The following IL22RA1 variants were observed in gnomAD, a reference collection of about 807,000 sequenced individuals.
The protein encoded by IL22RA1 is interleukin-22 receptor subunit alpha-1.
Under a neutral mutation model 32.8 loss-of-function variants are expected in IL22RA1, and 25 were observed. The ratio of observed to expected loss-of-function variants is 0.76; its 90% CI spans 0.55 to 1.06. IL22RA1 has a LOEUF of 1.06. Ranked by LOEUF, IL22RA1 falls within the 50% of genes least tolerant of loss-of-function variation. IL22RA1 has a pLI of 0.00. For synonymous variants in IL22RA1, 305 were observed against 305.0 expected, an observed-to-expected ratio of 1.00 and a Z score of 0.00; for missense variants, 709 against 727.4, an observed-to-expected ratio of 0.97 and a Z score of 0.29.
rs756113657 is a variant in IL22RA1, at chr1:24,143,086, G to A, written c.-4C>T. 1.9e-6 allele frequency: 3 copies of A among 1,612,512 alleles called. No individual in the cohort carries two copies. The East Asian group carries it at 6.7e-5, about 36-fold the overall frequency. On this transcript the variant is annotated 5_prime_UTR_variant, in exon 1 of 7. Coordinates refer to ENST00000270800, the MANE Select transcript of IL22RA1 (RefSeq NM_021258.4). ...AGATGGTCAGCAGCGTCCTCATCGG[G>A]GCTGGCACAGAGCCCTCCCTTGGCC...
intron 4 of IL22RA1, among the ~76,000 whole-genome samples, chr1:24,132,168 T>C (rs1024033169): frequency 6.6e-6 from 1 of 152,034 alleles, no homozygotes; most frequent in Admixed American, 6.6e-5. Context: ...AAGCTTTGCG[T>C]TGGGGAAGAA....
At chr1:24,133,081 G>A (rs1403222565) in intron 4 of IL22RA1, among the ~76,000 whole-genome samples, 6 of 151,270 alleles carry the variant, frequency 4.0e-5, no homozygotes, top group Non-Finnish European at 8.9e-5. Context: ...TAATATGCAT[G>A]TATTACCTGG....
At chr1:24,122,212 C>G (rs1012287301) in intron 6 of IL22RA1, among the ~76,000 whole-genome samples, 1 of 152,188 alleles carries the variant, frequency 6.6e-6, no homozygotes, top group African/African-American at 2.4e-5. Flanking sequence ...CAGAGCTCCT[C>G]TGTCCCTCCG....
intron 3 of IL22RA1, among the ~76,000 whole-genome samples, 194 bp downstream of exon 3, chr1:24,136,937 A>G (rs1388392325): frequency 6.6e-6 from 1 of 151,822 alleles, no homozygotes; most frequent in Non-Finnish European, 1.5e-5. Context: ...AAAGTGAACA[A>G]ACCTGCTAGG....
At chr1:24,136,969 G>A (rs1294682309) in intron 3 of IL22RA1, among the ~76,000 whole-genome samples, 162 bp downstream of exon 3, 1 of 151,596 alleles carries the variant, frequency 6.6e-6, no homozygotes, top group Non-Finnish European at 1.5e-5. Context: ...ATTGGTGGGG[G>A]TGGGGGGCTT....
intron 1 of IL22RA1, among the ~76,000 whole-genome samples, chr1:24,140,607 C>T (rs1450508113): frequency 6.6e-6 from 1 of 152,174 alleles, no homozygotes. Flanking sequence ...GGGCCTGAGC[C>T]TCAAGGAAGG....
rs140365935 is a variant in IL22RA1 at position 24,138,638 on chromosome 1, C to T, written c.120G>A (p.Thr40=). 1.5e-4 allele frequency: 238 copies of T among 1,614,024 alleles called. 1 individual carries two copies. The highest frequency in any genetic ancestry group is 1.8e-4 in the Non-Finnish European group (212 of 1,180,020). ...GGGTGCCCTCCGGCCCGCTGTCCCA[C>T]GTCAGGATGTTTTCAAAGTTGCTGG... is the stretch of plus-strand genomic sequence containing the variant. ...FQSSNFENIL[T]WDSGPEGTPD... The change falls in exon 2 of 7, where the codon ACG becomes ACA. Residue 40 remains threonine, a synonymous_variant. Coordinates refer to ENST00000270800, the MANE Select transcript of IL22RA1 (RefSeq NM_021258.4).
At chr1:24,123,618 A>G (rs1644141716) in intron 5 of IL22RA1, 195 bp from the exon 6 acceptor site, 1 of 1,228,748 alleles carries the variant, frequency 8.1e-7, no homozygotes. Flanking sequence ...TACAAATTAT[A>G]TTTTTACACT....
In IL22RA1 at chr1:24,119,819, G is replaced by A. The variant is rs1644106967; in HGVS notation, c.*986C>T. 2 of 152,194 alleles carry A rather than the reference G, an allele frequency of 1.3e-5. No individual in the cohort carries two copies. The highest frequency in any genetic ancestry group is 4.1e-4 in the South Asian group (2 of 4,832). The allele number at this position is 152,194 out of a possible 1,614,324, so 9.4% of individuals were successfully genotyped here. On this transcript the variant is annotated 3_prime_UTR_variant, in exon 7 of 7. Coordinates refer to ENST00000270800, the MANE Select transcript of IL22RA1 (RefSeq NM_021258.4). ...CTGCCCATGTACCAGGCACTATTAA[G>A]CACTTTAAAGACATGACTTCATTTC...
At chr1:24,132,621 C>T (rs886886828) in intron 4 of IL22RA1, among the ~76,000 whole-genome samples, 12 of 151,880 alleles carry the variant, frequency 7.9e-5, no homozygotes, top group Admixed American at 1.3e-4. Context: ...CGTGAGCCAC[C>T]GTGCCTGGCT....
chr1:24,132,611 C>T (rs1013969501), intron 4 of IL22RA1, among the ~76,000 whole-genome samples: 7 of 151,874 alleles, frequency 4.6e-5, no homozygotes, highest in African/African-American at 9.7e-5. Context: ...GGATTACAGG[C>T]GTGAGCCACC....
rs568753027 is a variant in IL22RA1, at chr1:24,123,023, A to G, written c.792+279T>C. On this transcript the variant is annotated intron_variant, in intron 6 of 6. Transcript: ENST00000270800. ...CCCTCGTTGCCTTGCTGCTCACTCA[A>G]GTCCCACACTACCCTCCTGGTGCTG... 3.3e-5 allele frequency among the ~76,000 whole-genome samples: 5 copies of G among 152,210 alleles called. No individual in the cohort carries two copies. The South Asian group carries it at 1.0e-3, about 32-fold the overall frequency.
chr1:24,132,929 CAG>C (rs1339505721), intron 4 of IL22RA1, among the ~76,000 whole-genome samples: 4 of 151,768 alleles, frequency 2.6e-5, no homozygotes, highest in African/African-American at 4.8e-5. Flanking sequence ...GTGGGCTAAA[CAG>C]AGCTGGATTT....
At chr1:24,128,909 A>G (rs989597996) in intron 4 of IL22RA1, among the ~76,000 whole-genome samples, 2 of 152,134 alleles carry the variant, frequency 1.3e-5, no homozygotes, top group African/African-American at 4.8e-5. Context: ...TATTTACAGA[A>G]TAGAGTCCTG....
chr1:24,137,420 G>A, intron 2 of IL22RA1, 111 bp from the exon 3 acceptor site: 1 of 907,484 alleles, frequency 1.1e-6, no homozygotes, highest in Admixed American at 2.3e-5. Flanking sequence ...ACGTTCAGTG[G>A]CCCAGGCCCT....
intron 4 of IL22RA1, among the ~76,000 whole-genome samples, chr1:24,130,207 T>C (rs146410820): frequency 2.0e-5 from 3 of 152,102 alleles, no homozygotes; most frequent in East Asian, 3.9e-4. Context: ...TCTTGTAGCC[T>C]GAAGGCAGAC....
chr1:24,139,118 C>T (rs1004295994), intron 1 of IL22RA1, among the ~76,000 whole-genome samples: 2 of 152,238 alleles, frequency 1.3e-5, no homozygotes, highest in Non-Finnish European at 2.9e-5. Flanking sequence ...GTCACTCCAC[C>T]CATTCTTCTC....
chr1:24,122,617 A>G (rs1644133000), intron 6 of IL22RA1, among the ~76,000 whole-genome samples: 1 of 152,002 alleles, frequency 6.6e-6, no homozygotes, highest in Non-Finnish European at 1.5e-5. Flanking sequence ...CCAACATGGT[A>G]AAACCCGTCT....
intron 3 of IL22RA1, among the ~76,000 whole-genome samples, chr1:24,134,707 G>T (rs1392431909): frequency 6.6e-6 from 1 of 152,092 alleles, no homozygotes; most frequent in Non-Finnish European, 1.5e-5. Context: ...CCTTAAGTCA[G>T]CCTAGAGCAC....
Sources: allele counts gnomAD v4.1 joint callset (sites outside exome capture counted in the v4.1 genomes callset), GRCh38; gene constraint gnomAD v4.1.1; transcripts MANE v1.5; gene names NCBI Gene and HGNC (gene_info 2026-07-23, HGNC 2026-07-21).